SNX18: variants seen among roughly 807,000 people sequenced by gnomAD.
The protein encoded by SNX18 is sorting nexin-18.
In SNX18, 35 loss-of-function variants were observed where a neutral mutation model predicts 48.7. The ratio of observed to expected loss-of-function variants is 0.72; its 90% CI spans 0.55 to 0.95. The LOEUF (loss-of-function observed/expected upper bound fraction) is 0.95, where lower values mean the gene tolerates loss of function less well. Ranked by LOEUF, SNX18 falls within the 40% of genes least tolerant of loss-of-function variation. The pLI, the probability that SNX18 is intolerant of heterozygous loss-of-function variation, is 0.00. For synonymous variants in SNX18, 492 were observed against 384.7 expected, an observed-to-expected ratio of 1.28 and a Z score of -3.26; for missense variants, 824 against 871.0, an observed-to-expected ratio of 0.95 and a Z score of 0.68.
At chr5:54,613,922 C>T in the SNX18 span, among the ~76,000 whole-genome samples, 12 of 152,042 alleles carry the variant, frequency 7.9e-5, no homozygotes, top group African/African-American at 2.7e-4. Context: ...CTCGAACTCC[C>T]GACCTCAGGT....
chr5:54,622,017 C>T, the SNX18 span, among the ~76,000 whole-genome samples: 1 of 152,224 alleles, frequency 6.6e-6, no homozygotes, highest in Non-Finnish European at 1.5e-5. Context: ...TCAGCATGGG[C>T]TGATTCTGGG....
the SNX18 span, among the ~76,000 whole-genome samples, chr5:54,591,092 C>T: frequency 6.6e-6 from 1 of 152,104 alleles, no homozygotes; most frequent in Admixed American, 6.5e-5. Flanking sequence ...CCATAAATTA[C>T]AGGAATAAAC....
At chr5:54,576,959 G>A in the SNX18 span, among the ~76,000 whole-genome samples, 1 of 151,918 alleles carries the variant, frequency 6.6e-6, no homozygotes, top group African/African-American at 2.4e-5. Flanking sequence ...CCACCACCAC[G>A]CCCAGCTAAT....
At chr5:54,538,316 G>C (rs1409566602) in intron 1 of SNX18, among the ~76,000 whole-genome samples, 2 of 152,156 alleles carry the variant, frequency 1.3e-5, no homozygotes, top group Non-Finnish European at 2.9e-5. Flanking sequence ...GAGCTCAGTG[G>C]GCAGAGGCGG....
the SNX18 span, among the ~76,000 whole-genome samples, chr5:54,633,941 G>A: frequency 3.1e-4 from 47 of 152,284 alleles, no homozygotes; most frequent in Non-Finnish European, 5.6e-4. Context: ...AGAAACACAC[G>A]AAGTATTATG....
At chr5:54,599,915 C>G in the SNX18 span, among the ~76,000 whole-genome samples, 1 of 152,172 alleles carries the variant, frequency 6.6e-6, no homozygotes, top group South Asian at 2.1e-4. Context: ...CCATACAGGA[C>G]AGAGGCATGG....
the SNX18 span, among the ~76,000 whole-genome samples, chr5:54,642,076 A>G: frequency 6.6e-6 from 1 of 152,206 alleles, no homozygotes. Flanking sequence ...AGGCTGATGA[A>G]GTATATGTAT....
chr5:54,588,673 G>A, the SNX18 span, among the ~76,000 whole-genome samples: 19 of 152,064 alleles, frequency 1.2e-4, no homozygotes, highest in Non-Finnish European at 2.4e-4. Flanking sequence ...AGTGGGATGC[G>A]TGCACCTGTT....
At chr5:54,537,156 C>T (rs1158785690) in intron 1 of SNX18, among the ~76,000 whole-genome samples, 3 of 152,130 alleles carry the variant, frequency 2.0e-5, no homozygotes, top group African/African-American at 7.2e-5. Context: ...ATGGTGAAAC[C>T]TTGTCTCTAC....
At chr5:54,528,121 C>G (rs533135906) in intron 1 of SNX18, among the ~76,000 whole-genome samples, 3 of 139,490 alleles carry the variant, frequency 2.2e-5, no homozygotes, top group Non-Finnish European at 4.7e-5. Context: ...TTTAAACTTA[C>G]GCATGCATAC....
At chr5:54,591,911 GT>G in the SNX18 span, among the ~76,000 whole-genome samples, 1 of 148,556 alleles carries the variant, frequency 6.7e-6, no homozygotes, top group Non-Finnish European at 1.5e-5. Flanking sequence ...GCCACTACGA[GT>G]TTTGGAGATT....
intron 1 of SNX18, among the ~76,000 whole-genome samples, chr5:54,532,188 G>GA (rs1294233564): frequency 1.3e-5 from 2 of 152,098 alleles, no homozygotes; most frequent in East Asian, 1.9e-4. Flanking sequence ...TAGAAAAAAA[G>GA]AAAATAAGGT....
At chr5:54,596,185 C>T in the SNX18 span, among the ~76,000 whole-genome samples, 1 of 152,128 alleles carries the variant, frequency 6.6e-6, no homozygotes, top group Non-Finnish European at 1.5e-5. Context: ...ATGCAAATAT[C>T]TGTGACAAAG....
the SNX18 span, among the ~76,000 whole-genome samples, chr5:54,619,556 C>T: frequency 1.3e-5 from 2 of 152,188 alleles, no homozygotes; most frequent in East Asian, 3.9e-4. Context: ...TTGACGTGTA[C>T]TTTATGCGTT....
At chr5:54,552,332 G>A in the SNX18 span, among the ~76,000 whole-genome samples, 2 of 152,188 alleles carry the variant, frequency 1.3e-5, no homozygotes, top group African/African-American at 4.8e-5. Flanking sequence ...AGAGGGGGTG[G>A]CCCAAGGGGT....
chr5:54,640,149 C>A, the SNX18 span, among the ~76,000 whole-genome samples: 3 of 152,090 alleles, frequency 2.0e-5, no homozygotes, highest in African/African-American at 7.2e-5. Flanking sequence ...TCAAATACCT[C>A]CTTAAGCTAC....
chr5:54,607,646 CTATGGG>C, the SNX18 span, among the ~76,000 whole-genome samples: 1 of 152,158 alleles, frequency 6.6e-6, no homozygotes, highest in Non-Finnish European at 1.5e-5. Flanking sequence ...AATAAAGCTG[CTATGGG>C]CCAGGCACTG....
At chr5:54,618,855 T>A in the SNX18 span, among the ~76,000 whole-genome samples, 1 of 152,062 alleles carries the variant, frequency 6.6e-6, no homozygotes, top group Non-Finnish European at 1.5e-5. Flanking sequence ...GATATACATC[T>A]CCGTAGTTAA....
At chr5:54,534,194 G>T (rs1231751283) in intron 1 of SNX18, among the ~76,000 whole-genome samples, 1 of 151,376 alleles carries the variant, frequency 6.6e-6, no homozygotes, top group African/African-American at 2.4e-5. Flanking sequence ...AATGTTTTTG[G>T]CACATTCATG....
Sources: allele counts gnomAD v4.1 joint callset (sites outside exome capture counted in the v4.1 genomes callset), GRCh38; gene constraint gnomAD v4.1.1; transcripts MANE v1.5; gene names NCBI Gene and HGNC (gene_info 2026-07-23, HGNC 2026-07-21).